OR1F1: variants seen among roughly 807,000 people sequenced by gnomAD.
The protein encoded by OR1F1 is olfactory receptor family 1 subfamily F member 1.
For missense variants in OR1F1, 493 were observed against 376.3 expected (o/e 1.31, Z -2.57); for synonymous variants, 184 against 156.7 (o/e 1.17, Z -1.30).
rs563043868 is a variant in OR1F1, at chr16:3,204,605, A to G, written c.359A>G (p.Tyr120Cys). 1.5e-5 allele frequency: 25 copies of G among 1,614,144 alleles called. No homozygotes were observed. The Admixed American group carries it at 3.5e-4, about 23-fold the overall frequency. The change falls in exon 1 of 1, where the codon TAT becomes TGT. Residue 120 changes from tyrosine to cysteine, a missense_variant. Transcript: ENST00000304646. Reference sequence around the variant, plus strand: ...AATTTCCTCCTAGCTGTGATGGCCTATGACCACTTTGTCGCCGTGTGCCAC... The same window carrying G: ...AATTTCCTCCTAGCTGTGATGGCCTGTGACCACTTTGTCGCCGTGTGCCAC...
chr16:3,204,095 G>A (rs976741197), upstream of OR1F1: 5 of 630,364 alleles, frequency 7.9e-6, no homozygotes, highest in African/African-American at 7.4e-5. Context: ...CCTGAACATA[G>A]CAGTAGCAGC....
downstream of OR1F1, among the ~76,000 whole-genome samples, chr16:3,205,482 AT>A (rs36031331): frequency 4.0e-3 from 571 of 143,498 alleles, 2 homozygotes; most frequent in Middle Eastern, 7.2e-3. Flanking sequence ...GCCTAGCTAA[AT>A]TTTTTTTTTT....
chr16:3,205,026 T>C, exon 1 of OR1F1: 2 of 1,614,170 alleles, frequency 1.2e-6, no homozygotes, highest in Non-Finnish European at 1.7e-6. Flanking sequence ...CTGTGTATTT[T>C]AACCCTCTGT....
At chr16:3,199,728 T>C (rs1293458849), upstream of OR1F1, among the ~76,000 whole-genome samples, 5 of 151,980 alleles carry the variant, frequency 3.3e-5, no homozygotes. Context: ...ATTTTGAAAG[T>C]TATGGCTGGT....
the OR1F1 span, among the ~76,000 whole-genome samples, chr16:3,195,267 G>T: frequency 6.6e-6 from 1 of 152,112 alleles, no homozygotes; most frequent in East Asian, 1.9e-4. Context: ...TGCTAATTGC[G>T]TTTACTATTA....
chr16:3,204,513 T>C, exon 1 of OR1F1: 1 of 1,614,218 alleles, frequency 6.2e-7, no homozygotes, highest in Non-Finnish European at 8.5e-7. Context: ...TACTCGAGAC[T>C]CAGACCATCT....
At chr16:3,200,042 G>C (rs1958119722), upstream of OR1F1, among the ~76,000 whole-genome samples, 1 of 151,890 alleles carries the variant, frequency 6.6e-6, no homozygotes, top group Non-Finnish European at 1.5e-5. Context: ...GAAGAACAAA[G>C]TTAGGTGCAG....
chr16:3,197,142 C>G, the OR1F1 span, among the ~76,000 whole-genome samples: 5 of 151,734 alleles, frequency 3.3e-5, no homozygotes, highest in Non-Finnish European at 1.5e-5. Flanking sequence ...TCCCACAGTG[C>G]TGAGATTACA....
At chr16:3,204,408 C>T in exon 1 of OR1F1, 3 of 1,614,104 alleles carry the variant, frequency 1.9e-6, no homozygotes, top group South Asian at 1.1e-5. Flanking sequence ...TAGACTCCTG[C>T]CTGCACACCC....
chr16:3,192,561 C>A, the OR1F1 span, among the ~76,000 whole-genome samples: 1 of 152,248 alleles, frequency 6.6e-6, no homozygotes, highest in Non-Finnish European at 1.5e-5. Flanking sequence ...GCAGCTCCAA[C>A]ACTGCTGAAT....
At chr16:3,206,228 C>T (rs1423030312), downstream of OR1F1, among the ~76,000 whole-genome samples, 11 of 152,100 alleles carry the variant, frequency 7.2e-5, no homozygotes, top group Non-Finnish European at 2.9e-5. Flanking sequence ...AAAACCCCAC[C>T]CTGGTGAATT....
chr16:3,203,579 C>T (rs535443509), upstream of OR1F1, among the ~76,000 whole-genome samples: 2 of 152,204 alleles, frequency 1.3e-5, no homozygotes, highest in African/African-American at 4.8e-5. Flanking sequence ...TCATGGCCAA[C>T]ATGGTGAAAC....
chr16:3,194,021 A>G, the OR1F1 span, among the ~76,000 whole-genome samples: 8 of 152,174 alleles, frequency 5.3e-5, no homozygotes, highest in Admixed American at 5.2e-4. Flanking sequence ...GACTTGGGGT[A>G]AGGTATCACG....
In OR1F1 at chr16:3,204,279, G is replaced by A. The variant is rs1446050859; in HGVS notation, c.33G>A (p.Glu11=). 4 of 1,612,154 alleles carry A rather than the reference G, an allele frequency of 2.5e-6. No homozygotes were observed. The African/African-American group carries it at 4.0e-5, about 16-fold the overall frequency. The change falls in exon 1 of 1, where the codon GAG becomes GAA. Residue 11 remains glutamate, a synonymous_variant. Transcript: ENST00000304646. ...GGACAAACCAGTCGAGTGTCTCCGA[G>A]TTCCTCCTCCTGGGACTCTCCAGGC...
At chr16:3,190,236 G>A in the OR1F1 span, among the ~76,000 whole-genome samples, 4 of 152,230 alleles carry the variant, frequency 2.6e-5, no homozygotes, top group Non-Finnish European at 4.4e-5. Flanking sequence ...GTAGCCTCTT[G>A]GGGCTCCTCT....
chr16:3,195,873 C>T, the OR1F1 span, among the ~76,000 whole-genome samples: 1 of 152,142 alleles, frequency 6.6e-6, no homozygotes, highest in African/African-American at 2.4e-5. Context: ...TCTGGGCACA[C>T]CTTGGGACTG....
At chr16:3,189,775 G>T in the OR1F1 span, 1 of 152,010 alleles carries the variant, frequency 6.6e-6, no homozygotes, top group African/African-American at 2.4e-5. Context: ...AGACCTCAGC[G>T]CAGGACGTGG....
At chr16:3,193,130 T>C in the OR1F1 span, among the ~76,000 whole-genome samples, 2 of 152,132 alleles carry the variant, frequency 1.3e-5, no homozygotes, top group Non-Finnish European at 2.9e-5. Context: ...TTTCGCCATG[T>C]TGGCCAGGCT....
At chr16:3,202,379 G>A (rs1358555874), upstream of OR1F1, among the ~76,000 whole-genome samples, 1 of 152,104 alleles carries the variant, frequency 6.6e-6, no homozygotes, top group African/African-American at 2.4e-5. Flanking sequence ...CAAAGGCTTT[G>A]CAAGAAGACA....
Sources: allele counts gnomAD v4.1 joint callset (sites outside exome capture counted in the v4.1 genomes callset), GRCh38; gene constraint gnomAD v4.1.1; transcripts MANE v1.5; gene names NCBI Gene and HGNC (gene_info 2026-07-23, HGNC 2026-07-21).